TDRD9: variants seen among roughly 807,000 people sequenced by gnomAD.
TDRD9 encodes ATP-dependent RNA helicase TDRD9.
A neutral mutation model predicts 172.6 loss-of-function variants in TDRD9; 124 were observed. That is an observed-to-expected ratio of 0.72 (90% confidence interval 0.62 to 0.83). The LOEUF is 0.83. Among genes scored for constraint, TDRD9 ranks in the 40% least tolerant of loss-of-function variants. The pLI is 0.00. For synonymous variants in TDRD9, 619 were observed against 617.1 expected, an observed-to-expected ratio of 1.00 and a Z score of -0.05; for missense variants, 1,479 against 1,714.1, an observed-to-expected ratio of 0.86 and a Z score of 2.42.
intron 1 of TDRD9, among the ~76,000 whole-genome samples, chr14:103,947,184 C>T (rs971324688): frequency 1.2e-4 from 18 of 152,110 alleles, no homozygotes; most frequent in African/African-American, 3.4e-4. Flanking sequence ...GGCATAAAGA[C>T]GCATAGACCA....
At position 103,941,297 on chromosome 14, in the gene TDRD9, G is replaced by A. The variant is rs2031214907; in HGVS notation, c.215+12573G>A. On this transcript the variant is annotated intron_variant, in intron 1 of 35. Transcript: ENST00000409874. The stretch of plus-strand genomic sequence containing the variant: ...CAATTGCTCACCAGACATCTACACA[G>A]TTAAAGAATTTACATGATAGAATAC... The A allele has an allele frequency of 1.3e-5, 13 of 1,014,958 alleles. No individual in the cohort carries two copies. The South Asian group carries it at 1.5e-4, about 12-fold the overall frequency. The allele number at this position is 1,014,958 out of a possible 1,614,324, so 62.9% of individuals were successfully genotyped here.
At chr14:103,940,626 A>C (rs897795870) in intron 1 of TDRD9, 2 of 506,532 alleles carry the variant, frequency 3.9e-6, no homozygotes, top group Non-Finnish European at 3.5e-6. Flanking sequence ...AAAGCATACT[A>C]TTCAATGAAA....
chr14:104,040,272 C>T lies in TDRD9; in HGVS notation c.3793C>T (p.Leu1265=). ...GAATCCAGCTACAGGGGCTTCCATA[C>T]TGCCCGAGCACGACATGGAGCTTGC... The part of the protein sequence containing the change: ...GWNPATGASI[L]PEHDMELAFD... Residue 1265 remains leucine (L), a synonymous_variant, in exon 33 of 36, where the codon CTG becomes TTG. Transcript: ENST00000409874. 1 of 1,551,664 alleles carries T rather than the reference C, an allele frequency of 6.4e-7. No individual in the cohort carries two copies. Among genetic ancestry groups the T allele is most frequent in the Non-Finnish European group, 8.7e-7 (1 of 1,146,886 alleles).
intron 8 of TDRD9, among the ~76,000 whole-genome samples, chr14:103,988,614 C>T (rs902873035): frequency 5.3e-5 from 8 of 151,424 alleles, no homozygotes; most frequent in African/African-American, 1.9e-4. Context: ...TTCTGGATGT[C>T]TCATATTCTT....
intron 22 of TDRD9, 39 bp from the exon 23 acceptor site, chr14:104,018,053 C>G (rs753167600): frequency 8.2e-7 from 1 of 1,212,812 alleles, no homozygotes; most frequent in South Asian, 1.3e-5. Flanking sequence ...ATTTTGTTAG[C>G]TCTAGTAATC....
At chr14:103,956,512 C>T (rs149595815) in intron 2 of TDRD9, among the ~76,000 whole-genome samples, 2,465 of 152,066 alleles carry the variant, frequency 0.016, 70 homozygotes, top group African/African-American at 0.057. Flanking sequence ...CATGGTGGTG[C>T]ATGCCTGTAG....
intron 29 of TDRD9, among the ~76,000 whole-genome samples, chr14:104,031,538 A>T (rs949801312): frequency 1.2e-4 from 17 of 145,508 alleles, no homozygotes; most frequent in African/African-American, 4.1e-4. Flanking sequence ...AAGGAAGCAC[A>T]GCGTGTGGGT....
Position 103,991,224 on chromosome 14 carries a change from G to A in TDRD9, c.1180G>A (p.Gly394Ser). ...AAGCAGTGTGTTGGTGTTTTTGCCA[G>A]GTAAGAACATCATAATTTTGTGACT... ...ERSSVLVFLPGLGEINYMHEL... is the reference protein window; with the variant it reads ...ERSSVLVFLPSLGEINYMHEL... The change falls in exon 9 of 36, where the codon GGT (glycine) becomes AGT (serine). Residue 394 changes from glycine to serine, a missense_variant and splice_region_variant. Coordinates refer to ENST00000409874, the MANE Select transcript of TDRD9 (RefSeq NM_153046.3). The A allele has an allele frequency of 6.2e-7, 1 of 1,613,932 alleles. No homozygotes were observed. The highest frequency in any genetic ancestry group is 8.5e-7 in the Non-Finnish European group (1 of 1,179,880).
At chr14:103,940,756 A>T in intron 1 of TDRD9, 1 of 1,240,698 alleles carries the variant, frequency 8.1e-7, no homozygotes, top group Admixed American at 2.3e-5. Context: ...CTTATTCTTA[A>T]TATTAGGAGT....
intron 34 of TDRD9, among the ~76,000 whole-genome samples, chr14:104,043,743 A>G (rs1040654057): frequency 2.0e-5 from 3 of 152,198 alleles, no homozygotes; most frequent in Non-Finnish European, 2.9e-5. Flanking sequence ...TGTTTTAACA[A>G]TTCAATAACT....
intron 10 of TDRD9, 47 bp downstream of exon 10, chr14:103,994,433 T>C (rs201214779): frequency 6.2e-7 from 1 of 1,604,810 alleles, no homozygotes; most frequent in East Asian, 2.2e-5. Context: ...CATTGCATTG[T>C]TTCTGCCTTA....
At chr14:103,941,709 A>T (rs547730319) in intron 1 of TDRD9, 1 of 1,479,554 alleles carries the variant, frequency 6.8e-7, no homozygotes, top group African/African-American at 1.4e-5. Context: ...TAGCCTATGG[A>T]AATATTTTCA....
chr14:103,990,858 G>A (rs1957518), intron 8 of TDRD9, among the ~76,000 whole-genome samples: 51,450 of 152,100 alleles, frequency 0.34, 8,902 homozygotes, highest in Middle Eastern at 0.37. Context: ...TATTTTAAAT[G>A]TTTTTTACTT....
rs781346716 is a variant in TDRD9 at position 104,042,152 on chromosome 14, G to A, written c.3939G>A (p.Ala1313=). 3.3e-5 allele frequency: 54 copies of A among 1,613,300 alleles called. No individual in the cohort carries two copies. In the Admixed American group the frequency reaches 4.2e-4, roughly 12 times the overall value. ...AGTGTCTTGGGCCAGAGAGAGTTGC[G>A]CAGCTTCAAGACATTGCCCGTCAGA... is the stretch of plus-strand genomic sequence containing the variant. ...GCKCLGPERV[A]QLQDIARQKL... is the part of the protein sequence containing the mutation. Residue 1313 remains alanine, a synonymous_variant, in exon 34 of 36, where the codon GCG becomes GCA. Coordinates refer to ENST00000409874, the MANE Select transcript of TDRD9 (RefSeq NM_153046.3).
In TDRD9 at chr14:103,965,562, TGGGAGGGA is replaced by T; in HGVS notation, c.642+17_642+24del. 6 of 1,248,342 alleles carry T rather than the reference TGGGAGGGA, an allele frequency of 4.8e-6. No homozygotes were observed. Among genetic ancestry groups the T allele is most frequent in the Non-Finnish European group, 5.6e-6 (5 of 897,764 alleles). The allele number at this position is 1,248,342 out of a possible 1,614,324, so 77.3% of individuals were successfully genotyped here. A position where few individuals can be genotyped will look rare whatever the true frequency, so the allele number is the denominator to read the frequency against. On this transcript the variant is annotated intron_variant, in intron 4 of 35. Coordinates refer to ENST00000409874, the MANE Select transcript of TDRD9 (RefSeq NM_153046.3). ...GGTGTGGTGGGCTACCAGGTGAGAC[TGGGAGGGA>T]GGGAGGGACTAAGAGAGCCAGCTGT...
chr14:104,034,003 A>G lies in TDRD9; in HGVS notation c.3553A>G (p.Ser1185Gly), dbSNP rs1373281378. 9 of 1,551,616 alleles carry G rather than the reference A, an allele frequency of 5.8e-6. No individual in the cohort carries two copies. The change falls in exon 31 of 36, where the codon AGT becomes GGT. Residue 1185 changes from serine to glycine, a missense_variant. Physicochemically the swap from Ser to Gly is moderately conservative, Grantham distance 56. This residue lies in a region of TDRD9 where 1,413 missense variants were observed against 1,649.1 expected (regional missense o/e 0.86). Transcript: ENST00000409874. ...GGAGAGCATCAACTCTGTCATTATCAGTGACGCCCCTGAAGACCTTCACCA... is the reference window on the plus strand; with the variant it reads ...GGAGAGCATCAACTCTGTCATTATCGGTGACGCCCCTGAAGACCTTCACCA... ...EKESINSVII[S>G]DAPEDLHQRM...
chr14:103,931,178 C>T (rs935876081), intron 1 of TDRD9, among the ~76,000 whole-genome samples: 8 of 151,760 alleles, frequency 5.3e-5, no homozygotes, highest in Middle Eastern at 3.4e-3. Flanking sequence ...TTGTGCCTGC[C>T]GCCCCAGCTA....
chr14:103,961,517 C>T (rs746209053), intron 2 of TDRD9, among the ~76,000 whole-genome samples: 11 of 151,158 alleles, frequency 7.3e-5, no homozygotes, highest in African/African-American at 2.7e-4. Context: ...GAGCCGAGAT[C>T]GCGCCACTGC....
rs1242189839 is a variant in TDRD9, at chr14:104,047,517, A to G, written c.3975-2091A>G. ...TAGCTACCATTTGTGAGCTTTTTCT[A>G]TCCTTTTACTTACAGTATATTTGCA... is the stretch of plus-strand genomic sequence containing the variant. On this transcript the variant is annotated intron_variant, in intron 34 of 35. Coordinates refer to ENST00000409874, the MANE Select transcript of TDRD9 (RefSeq NM_153046.3). Among the ~76,000 whole-genome samples the G allele has an allele frequency of 6.6e-5, 10 of 152,056 alleles. No individual in the cohort carries two copies. In the East Asian group the frequency reaches 7.7e-4, roughly 12 times the overall value.
Sources: allele counts gnomAD v4.1 joint callset (sites outside exome capture counted in the v4.1 genomes callset), GRCh38; gene constraint gnomAD v4.1.1; regional missense constraint gnomAD v4.1.1; transcripts MANE v1.5; gene names NCBI Gene and HGNC (gene_info 2026-07-23, HGNC 2026-07-21).